FNIP1: variants seen among roughly 807,000 people sequenced by gnomAD.
FNIP1 encodes the protein folliculin-interacting protein 1.
FNIP1 carries 40 observed loss-of-function variants against 124.5 expected under a neutral mutation model. The ratio of observed to expected loss-of-function variants is 0.32; its 90% CI spans 0.25 to 0.42. The LOEUF (loss-of-function observed/expected upper bound fraction) is 0.42, where lower values mean the gene tolerates loss of function less well. FNIP1 is among the 10% of genes least tolerant of loss of function. FNIP1 has a pLI of 1.00. For missense variants in FNIP1, 1,176 were observed against 1,403.7 expected (o/e 0.84, Z 2.59); for synonymous variants, 472 against 470.6 (o/e 1.00, Z -0.04).
chr5:131,713,441 G>A (rs1445279265), intron 6 of FNIP1, among the ~76,000 whole-genome samples: 1 of 152,038 alleles, frequency 6.6e-6, no homozygotes, highest in Non-Finnish European at 1.5e-5. Context: ...CTCCATTCCC[G>A]TGCTTTCAAT....
At chr5:131,691,819 A>G (rs1768489901) in intron 11 of FNIP1, among the ~76,000 whole-genome samples, 1 of 152,214 alleles carries the variant, frequency 6.6e-6, no homozygotes, top group Non-Finnish European at 1.5e-5. Flanking sequence ...AATTGAATCA[A>G]TAATTATCTA....
At chr5:131,756,833 G>T (rs1197508753) in intron 1 of FNIP1, among the ~76,000 whole-genome samples, 1 of 152,124 alleles carries the variant, frequency 6.6e-6, no homozygotes, top group Non-Finnish European at 1.5e-5. Flanking sequence ...AAAGAAAATG[G>T]GGAAAGGAGC....
chr5:131,765,498 G>A (rs1003340272), intron 1 of FNIP1, among the ~76,000 whole-genome samples: 1 of 152,004 alleles, frequency 6.6e-6, no homozygotes, highest in Non-Finnish European at 1.5e-5. Flanking sequence ...GTACCTACTA[G>A]GATGAGTTGA....
intron 1 of FNIP1, among the ~76,000 whole-genome samples, chr5:131,767,970 C>T (rs570466036): frequency 6.6e-6 from 1 of 152,148 alleles, no homozygotes; most frequent in Non-Finnish European, 1.5e-5. Flanking sequence ...TTCAACTATA[C>T]TCAGGGTATT....
At chr5:131,759,985 C>A (rs1771171757) in intron 1 of FNIP1, among the ~76,000 whole-genome samples, 1 of 152,140 alleles carries the variant, frequency 6.6e-6, no homozygotes, top group African/African-American at 2.4e-5. Flanking sequence ...ATTAACACAG[C>A]AACAGAAAAC....
At chr5:131,675,640 A>G (rs192984538) in intron 13 of FNIP1, among the ~76,000 whole-genome samples, 1 of 152,312 alleles carries the variant, frequency 6.6e-6, no homozygotes, top group African/African-American at 2.4e-5. Context: ...CATTCATATA[A>G]AACTCTAGAA....
At chr5:131,730,210 A>G (rs1429106255) in intron 3 of FNIP1, among the ~76,000 whole-genome samples, 1 of 152,182 alleles carries the variant, frequency 6.6e-6, no homozygotes, top group Admixed American at 6.5e-5. Flanking sequence ...ATCCAAGTGG[A>G]GTTTAGTAAT....
At chr5:131,764,724 G>A (rs1389212343) in intron 1 of FNIP1, among the ~76,000 whole-genome samples, 1 of 151,982 alleles carries the variant, frequency 6.6e-6, no homozygotes, top group African/African-American at 2.4e-5. Context: ...TTGAGAACCA[G>A]AACTACACAT....
chr5:131,682,772 C>A (rs1768133256), intron 11 of FNIP1, among the ~76,000 whole-genome samples: 1 of 152,092 alleles, frequency 6.6e-6, no homozygotes, highest in African/African-American at 2.4e-5. Flanking sequence ...TCTTTCTTCT[C>A]CACTAATAAT....
chr5:131,697,807 A>C (rs1022858131), intron 11 of FNIP1, among the ~76,000 whole-genome samples: 9 of 151,564 alleles, frequency 5.9e-5, no homozygotes, highest in Non-Finnish European at 1.0e-4. Context: ...CTCTACTAAA[A>C]ATAAAAAAAA....
intron 14 of FNIP1, 56 bp from the exon 15 acceptor site, chr5:131,670,687 G>T (rs878927068): frequency 3.9e-5 from 45 of 1,164,358 alleles, no homozygotes; most frequent in Middle Eastern, 2.3e-4. Flanking sequence ...TATTTAACCA[G>T]TAAAAAAAAA....
chr5:131,760,135 T>C (rs1421255120), intron 1 of FNIP1, among the ~76,000 whole-genome samples: 1 of 152,156 alleles, frequency 6.6e-6, no homozygotes, highest in Non-Finnish European at 1.5e-5. Flanking sequence ...TTGAGTACTA[T>C]GCTCACTACC....
chr5:131,758,123 G>T (rs562708883), intron 1 of FNIP1, among the ~76,000 whole-genome samples: 1 of 152,284 alleles, frequency 6.6e-6, no homozygotes, highest in South Asian at 2.1e-4. Context: ...CAAATTAATT[G>T]CTTAGAATAT....
Position 131,672,449 on chromosome 5 carries a change from C to G in FNIP1, c.1995G>C (p.Gln665His), listed in dbSNP as rs1160275700. Residue 665 changes from glutamine to histidine, a missense_variant, in exon 14 of 18, where the codon CAG (glutamine) becomes CAC (histidine). Physicochemically the swap from Gln to His is conservative, Grantham distance 24 (BLOSUM62 0). This residue lies in a region of FNIP1 where 1,109 missense variants were observed against 1,288.5 expected (regional missense o/e 0.86). Transcript: ENST00000510461. ...CQEENAVDVK[Q>H]YRDKLRTCFD... is the part of the protein sequence containing the mutation. The stretch of plus-strand genomic sequence containing the variant: ...AGCAAGTTCTTAATTTATCTCTGTA[C>G]TGTTTAACATCAACAGCATTTTCTT... 6.2e-7 allele frequency: 1 copy of G among 1,613,542 alleles called. No homozygotes were observed. Among genetic ancestry groups the G allele is most frequent in the Non-Finnish European group, 8.5e-7 (1 of 1,180,018 alleles).
chr5:131,730,161 G>A (rs1770032122), intron 3 of FNIP1, among the ~76,000 whole-genome samples: 1 of 152,210 alleles, frequency 6.6e-6, no homozygotes, highest in African/African-American at 2.4e-5. Context: ...GCCTAAAGGG[G>A]AGATGGAATA....
In FNIP1 at chr5:131,643,806, G is replaced by A. The variant is rs564554796; in HGVS notation, c.*879C>T. 6.6e-6 allele frequency: 1 copy of A among 152,606 alleles called. No homozygotes were observed. Among genetic ancestry groups the A allele is most frequent in the Non-Finnish European group, 1.5e-5 (1 of 67,968 alleles). The allele number at this position is 152,606 out of a possible 1,614,324, so 9.5% of individuals were successfully genotyped here. ...TAAAGAATATAGTATTGTTTTTGCC[G>A]ATGCTTTGGTGCAATTTTTAATCCT... On this transcript the variant is annotated 3_prime_UTR_variant, in exon 18 of 18. Transcript: ENST00000510461.
chr5:131,700,930 G>A (rs540233495), intron 10 of FNIP1, among the ~76,000 whole-genome samples: 2 of 152,176 alleles, frequency 1.3e-5, no homozygotes, highest in African/African-American at 2.4e-5. Flanking sequence ...TAAAAAATGC[G>A]ATACTACAAT....
intron 3 of FNIP1, among the ~76,000 whole-genome samples, chr5:131,726,419 C>A (rs1224853995): frequency 6.6e-6 from 1 of 152,080 alleles, no homozygotes; most frequent in African/African-American, 2.4e-5. Context: ...CTGGTTTAGT[C>A]TTGGGATGGT....
At chr5:131,669,868 A>C (rs1361657952) in intron 15 of FNIP1, among the ~76,000 whole-genome samples, 1 of 151,294 alleles carries the variant, frequency 6.6e-6, no homozygotes, top group Non-Finnish European at 1.5e-5. Flanking sequence ...GTCCATGGTC[A>C]CCACTTCCAT....
Sources: allele counts gnomAD v4.1 joint callset (sites outside exome capture counted in the v4.1 genomes callset), GRCh38; gene constraint gnomAD v4.1.1; regional missense constraint gnomAD v4.1.1; transcripts MANE v1.5; gene names NCBI Gene and HGNC (gene_info 2026-07-23, HGNC 2026-07-21).